Variants in MICAL3 observed in about 807,000 individuals in gnomAD.
MICAL3 encodes [F-actin]-monooxygenase MICAL3.
In MICAL3, 62 loss-of-function variants were observed where a neutral mutation model predicts 207.4. That is an observed-to-expected ratio of 0.30 (90% CI 0.24 to 0.37). The LOEUF is 0.37. Among genes scored for constraint, MICAL3 ranks in the 10% least tolerant of loss-of-function variants. MICAL3 has a pLI of 1.00. For synonymous variants in MICAL3, 1,077 were observed against 1,069.3 expected, an observed-to-expected ratio of 1.01 and a Z score of -0.14; for missense variants, 2,368 against 2,635.6, an observed-to-expected ratio of 0.90 and a Z score of 2.22.
chr22:17,844,689 G>A (rs1461200886), intron 19 of MICAL3, among the ~76,000 whole-genome samples: 2 of 152,208 alleles, frequency 1.3e-5, no homozygotes, highest in Non-Finnish European at 2.9e-5. Context: ...GTGCCCACTT[G>A]TTTTAGCCTT....
intron 22 of MICAL3, 113 bp downstream of exon 22, chr22:17,827,531 C>G: frequency 8.5e-7 from 1 of 1,182,652 alleles, no homozygotes; most frequent in Non-Finnish European, 1.1e-6. Context: ...GCCTGGCTCC[C>G]GTGTGTGACC....
chr22:17,797,493 A>AAAAT (rs1427558483), intron 29 of MICAL3, among the ~76,000 whole-genome samples: 2 of 152,166 alleles, frequency 1.3e-5, no homozygotes, highest in Non-Finnish European at 2.9e-5. Context: ...CTATCTCTAA[A>AAAAT]AAATAAATAA....
At chr22:17,833,445 G>A (rs1252077726) in intron 20 of MICAL3, among the ~76,000 whole-genome samples, 2 of 152,194 alleles carry the variant, frequency 1.3e-5, no homozygotes, top group African/African-American at 4.8e-5. Context: ...TCCTCTCTCT[G>A]CCCAGGCAGG....
At chr22:17,924,407 C>T (rs1035630812) in intron 1 of MICAL3, among the ~76,000 whole-genome samples, 1 of 152,054 alleles carries the variant, frequency 6.6e-6, no homozygotes, top group Non-Finnish European at 1.5e-5. Context: ...CAAGGAAAAG[C>T]CAATGTACTC....
At chr22:17,828,176 G>A (rs1023648116) in intron 21 of MICAL3, among the ~76,000 whole-genome samples, 7 of 152,176 alleles carry the variant, frequency 4.6e-5, no homozygotes, top group African/African-American at 1.4e-4. Flanking sequence ...GGGTCACAAG[G>A]ACCTGCTTTG....
intron 29 of MICAL3, among the ~76,000 whole-genome samples, chr22:17,798,728 C>T (rs1266062129): frequency 3.6e-5 from 5 of 139,884 alleles, no homozygotes; most frequent in African/African-American, 5.7e-5. Flanking sequence ...GGCTGGAGTG[C>T]AGTGGCGCGA....
intron 16 of MICAL3, among the ~76,000 whole-genome samples, chr22:17,878,943 T>C (rs963447664): frequency 6.6e-6 from 1 of 152,208 alleles, no homozygotes; most frequent in African/African-American, 2.4e-5. Context: ...GACTGCTGAA[T>C]GCCACTTGAA....
chr22:17,827,682 T>C lies in MICAL3; in HGVS notation c.3155A>G (p.Glu1052Gly). ...WTHIREREEE[E>G]RMAPASESSA... ...GGACTCAGAGGCCGGCGCCATCCTC[T>C]CTTCCTCCTCTCTCTCACGGATATG... Residue 1052 changes from glutamate to glycine, a missense_variant, in exon 22 of 32, where the codon GAG becomes GGG. By Grantham distance (98) the Glu-to-Gly change is moderately conservative. This residue lies in a region of MICAL3 where 1,770 missense variants were observed against 1,863.2 expected (regional missense o/e 0.95). Coordinates refer to ENST00000441493, the MANE Select transcript of MICAL3 (RefSeq NM_015241.3). The C allele has an allele frequency of 6.3e-7, 1 of 1,582,820 alleles. No individual in the cohort carries two copies. Among genetic ancestry groups the C allele is most frequent in the South Asian group, 1.2e-5 (1 of 86,304 alleles).
At position 17,808,897 on chromosome 22, in the gene MICAL3, C is replaced by G; in HGVS notation, c.5597G>C (p.Arg1866Pro). 6.4e-7 allele frequency: 1 copy of G among 1,554,000 alleles called. No individual in the cohort carries two copies. Among genetic ancestry groups the G allele is most frequent in the Non-Finnish European group, 8.7e-7 (1 of 1,148,738 alleles). ...AGCCACGCCCCTTTCCTCCAGCCGC[C>G]GCTGCCTCTCCTCCACCTGCTGCAG... ...RQLQQVEERQ[R>P]RLEERGVAVE... The change falls in exon 29 of 32, where the codon CGG becomes CCG. Residue 1866 changes from arginine (R) to proline (P), a missense_variant. Around this residue, in one of 4 missense-constraint regions of MICAL3, gnomAD observed 1,770 missense variants for 1,863.2 expected, o/e 0.95. Transcript: ENST00000441493.
At chr22:17,814,049 C>T (rs1244582863) in intron 27 of MICAL3, 2 of 152,116 alleles carry the variant, frequency 1.3e-5, no homozygotes, top group African/African-American at 4.8e-5. Context: ...CAAAACAAAA[C>T]CCAGGCTCTT....
chr22:17,797,717 G>A (rs748858955), intron 29 of MICAL3, among the ~76,000 whole-genome samples: 1 of 152,248 alleles, frequency 6.6e-6, no homozygotes, highest in African/African-American at 2.4e-5. Context: ...ATCATGGCCT[G>A]TGGTAAGGAT....
chr22:17,993,477 A>G (rs960487100), intron 1 of MICAL3, among the ~76,000 whole-genome samples: 3 of 152,136 alleles, frequency 2.0e-5, no homozygotes, highest in African/African-American at 7.2e-5. Context: ...AAAGGAGTTT[A>G]GCTGGGGCAA....
At position 17,942,012 on chromosome 22, in the gene MICAL3, C is replaced by T. The variant is rs561800809; in HGVS notation, c.-74-35126G>A. Among the ~76,000 whole-genome samples the T allele has an allele frequency of 8.7e-4, 133 of 152,340 alleles. 1 individual carries two copies. Among genetic ancestry groups the T allele is most frequent in the African/African-American group, 3.1e-3 (127 of 41,576 alleles). The stretch of plus-strand genomic sequence containing the variant: ...CAACCACCTGTGTGGCAAATTCCTC[C>T]GACCCCTAGCCTTAAGACAACAACA... On this transcript the variant is annotated intron_variant, in intron 1 of 31. Transcript: ENST00000441493.
intron 29 of MICAL3, among the ~76,000 whole-genome samples, chr22:17,794,578 C>T (rs1174135137): frequency 6.6e-6 from 1 of 152,242 alleles, no homozygotes; most frequent in African/African-American, 2.4e-5. Flanking sequence ...GTCCGTGTCA[C>T]TGTCCCCTCT....
intron 1 of MICAL3, among the ~76,000 whole-genome samples, chr22:17,976,809 TC>T (rs201755184): frequency 0.045 from 6,525 of 146,190 alleles, 557 homozygotes; most frequent in African/African-American, 0.16. Context: ...AGAGACTTCT[TC>T]TTTTTTTTTT....
In MICAL3 at chr22:17,889,051, T is replaced by G; in HGVS notation, c.1874A>C (p.Asp625Ala). The part of the protein sequence containing the change: ...YLTQFYEMFK[D>A]SLPSSDTLDL... Reference sequence around the variant, plus strand: ...GGCCTTACCGCTAGAGGGGAGGGAGTCCTTAAACATCTCGTAGAACTGAGT... The same window carrying G: ...GGCCTTACCGCTAGAGGGGAGGGAGGCCTTAAACATCTCGTAGAACTGAGT... Residue 625 changes from aspartate to alanine, a missense_variant, in exon 13 of 32, where the codon GAC becomes GCC. By Grantham distance (126) the Asp-to-Ala change is moderately radical (BLOSUM62 -2). Around this residue, in one of 4 missense-constraint regions of MICAL3, gnomAD observed 1,770 missense variants for 1,863.2 expected, o/e 0.95. Coordinates refer to ENST00000441493, the MANE Select transcript of MICAL3 (RefSeq NM_015241.3). 6.2e-7 allele frequency: 1 copy of G among 1,602,010 alleles called. No individual in the cohort carries two copies. Among genetic ancestry groups the G allele is most frequent in the Non-Finnish European group, 8.5e-7 (1 of 1,171,276 alleles).
intron 1 of MICAL3, among the ~76,000 whole-genome samples, chr22:17,969,188 C>T (rs887956782): frequency 3.3e-5 from 5 of 152,084 alleles, no homozygotes; most frequent in Non-Finnish European, 5.9e-5. Context: ...TACAGGCGTC[C>T]GCCACCACAC....
At chr22:17,827,804 T>G (rs1601988548) in intron 21 of MICAL3, 23 bp from the exon 22 acceptor site, 1 of 1,528,386 alleles carries the variant, frequency 6.5e-7, no homozygotes, top group East Asian at 2.5e-5. Context: ...GGTCAAGGGG[T>G]GGAGAAATGA....
chr22:17,947,671 A>T (rs1304840151), intron 1 of MICAL3, among the ~76,000 whole-genome samples: 2 of 152,008 alleles, frequency 1.3e-5, no homozygotes, highest in Non-Finnish European at 2.9e-5. Context: ...TGATCCTCCC[A>T]CGTCAGCCTC....
Sources: allele counts gnomAD v4.1 joint callset (sites outside exome capture counted in the v4.1 genomes callset), GRCh38; gene constraint gnomAD v4.1.1; regional missense constraint gnomAD v4.1.1; transcripts MANE v1.5; gene names NCBI Gene and HGNC (gene_info 2026-07-23, HGNC 2026-07-21).